SWT1: variants seen among roughly 807,000 people sequenced by gnomAD.
SWT1 encodes the protein transcriptional protein SWT1.
SWT1 carries 33 observed loss-of-function variants against 107.3 expected under a neutral mutation model. That is an observed-to-expected ratio of 0.31 (90% CI 0.23 to 0.41). SWT1 has a LOEUF of 0.41. SWT1 is among the 10% of genes least tolerant of loss of function. The pLI is 1.00. For missense variants in SWT1, 898 were observed against 1,028.9 expected (o/e 0.87, Z 1.74); for synonymous variants, 345 against 348.3 (o/e 0.99, Z 0.11).
intron 18 of SWT1, among the ~76,000 whole-genome samples, chr1:185,279,331 T>G (rs1026535718): frequency 6.6e-6 from 1 of 152,142 alleles, no homozygotes; most frequent in Non-Finnish European, 1.5e-5. Context: ...TTAGCTTACT[T>G]TTAGATTAGT....
At chr1:185,270,936 TG>T (rs1324249517) in intron 16 of SWT1, among the ~76,000 whole-genome samples, 1 of 152,182 alleles carries the variant, frequency 6.6e-6, no homozygotes, top group Non-Finnish European at 1.5e-5. Flanking sequence ...AACATTTCTG[TG>T]GGAAATACTC....
chr1:185,173,700 G>A (rs1318676426), intron 4 of SWT1, among the ~76,000 whole-genome samples: 2 of 151,584 alleles, frequency 1.3e-5, no homozygotes, highest in African/African-American at 2.4e-5. Flanking sequence ...AAAGTGAGGC[G>A]CTGTCTCAAA....
intron 16 of SWT1, among the ~76,000 whole-genome samples, chr1:185,256,866 A>C (rs1263326984): frequency 6.6e-6 from 1 of 152,086 alleles, no homozygotes; most frequent in African/African-American, 2.4e-5. Flanking sequence ...TCTGCTTTTT[A>C]GAGTTTCCAG....
At chr1:185,234,615 A>G (rs1418794691) in intron 16 of SWT1, among the ~76,000 whole-genome samples, 1 of 152,096 alleles carries the variant, frequency 6.6e-6, no homozygotes, top group Non-Finnish European at 1.5e-5. Context: ...TTTACATTTA[A>G]GGTTAATATT....
In SWT1 at chr1:185,184,928, C is replaced by T; in HGVS notation, c.1426C>T (p.His476Tyr). 1 of 1,458,478 alleles carries T rather than the reference C, an allele frequency of 6.9e-7. No individual in the cohort carries two copies. Among genetic ancestry groups the T allele is most frequent in the Non-Finnish European group, 9.1e-7 (1 of 1,103,920 alleles). The allele number at this position is 1,458,478 out of a possible 1,614,324, so 90.3% of individuals were successfully genotyped here. The change falls in exon 9 of 19, where the codon CAT (histidine) becomes TAT (tyrosine). Residue 476 changes from histidine to tyrosine, a missense_variant. His to Tyr is a moderately conservative substitution (Grantham distance 83). This residue lies in a region of SWT1 where 34 missense variants were observed against 50.2 expected (regional missense o/e 0.68). Transcript: ENST00000367500. ...GQSIQLASQK[H>Y]YGLSDENNDD... ...GTCAATACAACTTGCATCCCAAAAA[C>T]ATTGTAAGTATTGTTCTCTCAGAGT... is the stretch of plus-strand genomic sequence containing the variant.
At chr1:185,255,113 G>T (rs984445725) in intron 16 of SWT1, among the ~76,000 whole-genome samples, 2 of 152,134 alleles carry the variant, frequency 1.3e-5, no homozygotes, top group Admixed American at 6.5e-5. Context: ...TTAATCCTGA[G>T]TTCTAGTTTG....
intron 3 of SWT1, among the ~76,000 whole-genome samples, chr1:185,167,574 G>A (rs544807125): frequency 2.0e-5 from 3 of 152,148 alleles, no homozygotes; most frequent in East Asian, 3.8e-4. Context: ...TTGAAACACC[G>A]ATTTCATCCC....
intron 15 of SWT1, among the ~76,000 whole-genome samples, chr1:185,226,357 C>T (rs373346611): frequency 1.4e-3 from 207 of 152,208 alleles, no homozygotes; most frequent in African/African-American, 4.5e-3. Context: ...AGAAGTTTTT[C>T]GACATAATCG....
At chr1:185,159,183 G>T (rs1485423124) in intron 1 of SWT1, among the ~76,000 whole-genome samples, 1 of 152,150 alleles carries the variant, frequency 6.6e-6, no homozygotes, top group Non-Finnish European at 1.5e-5. Flanking sequence ...GATTACACAG[G>T]TCAGCCTTAT....
Position 185,166,564 on chromosome 1 carries a change from A to T in SWT1, c.85-8A>T. On this transcript the variant is annotated splice_region_variant and splice_polypyrimidine_tract_variant and intron_variant, in intron 2 of 18. Transcript: ENST00000367500. ...TTTTAAAATTCATTTTCTTTATTGCATTCTTAGGACAAGAAAGAGAGAAAA... is the reference window on the plus strand; with the variant it reads ...TTTTAAAATTCATTTTCTTTATTGCTTTCTTAGGACAAGAAAGAGAGAAAA... 6.4e-7 allele frequency: 1 copy of T among 1,562,518 alleles called. No homozygotes were observed. The highest frequency in any genetic ancestry group is 8.8e-7 in the Non-Finnish European group (1 of 1,141,378).
At chr1:185,252,592 G>A (rs1182146750) in intron 16 of SWT1, among the ~76,000 whole-genome samples, 1 of 151,920 alleles carries the variant, frequency 6.6e-6, no homozygotes, top group Non-Finnish European at 1.5e-5. Context: ...TTTGAGAAGT[G>A]TCTGTTCATG....
At chr1:185,273,205 G>C (rs896058737) in intron 17 of SWT1, among the ~76,000 whole-genome samples, 4 of 152,160 alleles carry the variant, frequency 2.6e-5, no homozygotes, top group African/African-American at 9.7e-5. Context: ...AGGAGTTTGA[G>C]AACAGGCTGG....
chr1:185,247,149 T>G (rs927551318), intron 16 of SWT1, among the ~76,000 whole-genome samples: 1 of 152,172 alleles, frequency 6.6e-6, no homozygotes, highest in Admixed American at 6.5e-5. Flanking sequence ...AATCTGTAAA[T>G]CATCTAACCA....
At chr1:185,160,546 C>T (rs1282809185) in intron 1 of SWT1, among the ~76,000 whole-genome samples, 1 of 151,770 alleles carries the variant, frequency 6.6e-6, no homozygotes, top group Non-Finnish European at 1.5e-5. Flanking sequence ...ACTAAAAATA[C>T]AAAAAATTAG....
intron 1 of SWT1, among the ~76,000 whole-genome samples, chr1:185,160,029 T>C (rs1346936989): frequency 1.3e-5 from 2 of 152,162 alleles, no homozygotes; most frequent in Non-Finnish European, 2.9e-5. Flanking sequence ...CCACAAGATA[T>C]ATTTTACATC....
intron 18 of SWT1, among the ~76,000 whole-genome samples, chr1:185,280,280 C>T (rs1664535454): frequency 6.6e-6 from 1 of 152,152 alleles, no homozygotes; most frequent in Admixed American, 6.5e-5. Flanking sequence ...TTCCTGAGGC[C>T]TCCCCAGCCA....
At chr1:185,185,365 T>G (rs55888604) in intron 9 of SWT1, among the ~76,000 whole-genome samples, 1 of 152,174 alleles carries the variant, frequency 6.6e-6, no homozygotes, top group East Asian at 1.9e-4. Context: ...TACAATAAAG[T>G]AGTGTATAGA....
intron 17 of SWT1, among the ~76,000 whole-genome samples, chr1:185,272,760 G>T (rs1389194269): frequency 6.6e-6 from 1 of 152,168 alleles, no homozygotes; most frequent in Non-Finnish European, 1.5e-5. Flanking sequence ...TCTTGGCCAG[G>T]CTTGGTGGTT....
At chr1:185,177,959 G>A (rs1166404405) in intron 5 of SWT1, among the ~76,000 whole-genome samples, 2 of 152,142 alleles carry the variant, frequency 1.3e-5, no homozygotes, top group Admixed American at 1.3e-4. Context: ...TAGGTACTAG[G>A]TATTTAGAAA....
Sources: allele counts gnomAD v4.1 joint callset (sites outside exome capture counted in the v4.1 genomes callset), GRCh38; gene constraint gnomAD v4.1.1; regional missense constraint gnomAD v4.1.1; transcripts MANE v1.5; gene names NCBI Gene and HGNC (gene_info 2026-07-23, HGNC 2026-07-21).